PPP4R3A: variants seen among roughly 807,000 people sequenced by gnomAD.
PPP4R3A encodes serine/threonine-protein phosphatase 4 regulatory subunit 3A.
Under a neutral mutation model 91.7 loss-of-function variants are expected in PPP4R3A, and 15 were observed. That is an observed-to-expected ratio of 0.16 (90% confidence interval 0.11 to 0.25). The LOEUF (loss-of-function observed/expected upper bound fraction) is 0.25. Ranked by LOEUF, PPP4R3A falls within the 10% of genes least tolerant of loss-of-function variation. The probability of loss-of-function intolerance (pLI) is 1.00; values close to 1 mark genes in which losing one functional copy is unlikely to be tolerated. For synonymous variants in PPP4R3A, 377 were observed against 348.7 expected, an observed-to-expected ratio of 1.08 and a Z score of -0.91; for missense variants, 623 against 998.4, an observed-to-expected ratio of 0.62 and a Z score of 5.07.
intron 1 of PPP4R3A, among the ~76,000 whole-genome samples, chr14:91,502,245 T>C (rs1891010315): frequency 1.3e-5 from 2 of 151,888 alleles, no homozygotes; most frequent in Non-Finnish European, 2.9e-5. Flanking sequence ...CACAGTAAGA[T>C]CCCACCTCCC....
intron 11 of PPP4R3A, among the ~76,000 whole-genome samples, chr14:91,464,095 G>C (rs1377531612): frequency 6.6e-6 from 1 of 152,150 alleles, no homozygotes; most frequent in Non-Finnish European, 1.5e-5. Flanking sequence ...GGCCAAGGTG[G>C]GCAGATCACC....
At chr14:91,501,694 G>T (rs1890969522) in intron 1 of PPP4R3A, among the ~76,000 whole-genome samples, 1 of 144,278 alleles carries the variant, frequency 6.9e-6, no homozygotes, top group South Asian at 2.2e-4. Context: ...ATGTAGGTGG[G>T]AGACTAAAGT....
chr14:91,477,755 TCTC>T (rs1889297419), intron 4 of PPP4R3A, among the ~76,000 whole-genome samples: 1 of 152,188 alleles, frequency 6.6e-6, no homozygotes, highest in Non-Finnish European at 1.5e-5. Context: ...TTAAAGCAAT[TCTC>T]CTGTCTCAGT....
At chr14:91,508,543 G>C (rs3783831) in intron 1 of PPP4R3A, among the ~76,000 whole-genome samples, 57,257 of 152,090 alleles carry the variant, frequency 0.38, 11,020 homozygotes, top group East Asian at 0.47. Flanking sequence ...AACAATTTGA[G>C]AATAGTTTTA....
chr14:91,509,748 G>T lies in PPP4R3A; in HGVS notation c.-101C>A. On this transcript the variant is annotated 5_prime_UTR_variant, in exon 1 of 15. Coordinates refer to ENST00000554943, the MANE Select transcript of PPP4R3A (RefSeq NM_001366432.2). ...AGGCGTGAGGGCGCCCGCGAGCGGA[G>T]GGCTCCCCGGCCTCACTGCCGCCGC... 1 of 1,368,218 alleles carries T rather than the reference G, an allele frequency of 7.3e-7. No individual in the cohort carries two copies. The allele number at this position is 1,368,218 out of a possible 1,614,324, so 84.8% of individuals were successfully genotyped here. A position where few individuals can be genotyped will look rare whatever the true frequency, so the allele number is the denominator to read the frequency against.
chr14:91,483,084 C>T (rs950612969), intron 3 of PPP4R3A, among the ~76,000 whole-genome samples: 1 of 152,018 alleles, frequency 6.6e-6, no homozygotes, highest in African/African-American at 2.4e-5. Flanking sequence ...AAAAAGGTAA[C>T]TTATATTGAC....
chr14:91,495,934 A>AAC (rs35119396), intron 1 of PPP4R3A, among the ~76,000 whole-genome samples: 18 of 151,558 alleles, frequency 1.2e-4, no homozygotes, highest in African/African-American at 3.9e-4. Flanking sequence ...AACAAAACAA[A>AAC]ACACACACAC....
chr14:91,492,375 A>T (rs1339132586), intron 1 of PPP4R3A, among the ~76,000 whole-genome samples: 1 of 152,240 alleles, frequency 6.6e-6, no homozygotes, highest in Admixed American at 6.5e-5. Context: ...GAGTGCTCTT[A>T]ACATTTCCAA....
At chr14:91,500,198 T>C (rs1052644347) in intron 1 of PPP4R3A, among the ~76,000 whole-genome samples, 1 of 142,668 alleles carries the variant, frequency 7.0e-6, no homozygotes, top group African/African-American at 2.6e-5. Context: ...ATGTAGTACA[T>C]AACCAGCACT....
intron 1 of PPP4R3A, among the ~76,000 whole-genome samples, chr14:91,499,415 G>T (rs958146390): frequency 2.6e-5 from 4 of 152,112 alleles, no homozygotes; most frequent in African/African-American, 9.7e-5. Context: ...TTTTAAATGA[G>T]ATCTGTGTAT....
In PPP4R3A at chr14:91,509,988, C is replaced by G. The variant is rs1363195418; in HGVS notation, c.-341G>C. ...TCCCGTCACTGCCCTGCTCCCGCCTCCGCCATGATCTCCGCGAAGCAGCTT... is the reference window on the plus strand; with the variant it reads ...TCCCGTCACTGCCCTGCTCCCGCCTGCGCCATGATCTCCGCGAAGCAGCTT... On this transcript the variant is annotated 5_prime_UTR_variant, in exon 1 of 15. Coordinates refer to ENST00000554943, the MANE Select transcript of PPP4R3A (RefSeq NM_001366432.2). The G allele has an allele frequency of 4.0e-6, 4 of 990,462 alleles. No homozygotes were observed. Among genetic ancestry groups the G allele is most frequent in the Admixed American group, 6.0e-5 (1 of 16,740 alleles). 61.4% of individuals were successfully genotyped at this position (990,462 alleles called of 1,614,324 possible).
At chr14:91,507,037 G>T (rs970311183) in intron 1 of PPP4R3A, among the ~76,000 whole-genome samples, 6 of 152,196 alleles carry the variant, frequency 3.9e-5, no homozygotes, top group African/African-American at 1.4e-4. Flanking sequence ...TATAAATGGA[G>T]GTTCGGCGCA....
At chr14:91,463,886 A>G (rs2140070089) in intron 11 of PPP4R3A, among the ~76,000 whole-genome samples, 1 of 152,266 alleles carries the variant, frequency 6.6e-6, no homozygotes, top group South Asian at 2.1e-4. Context: ...CCCAATAGGT[A>G]GTTTTTCAAT....
intron 7 of PPP4R3A, chr14:91,475,356 G>T (rs773801395): frequency 1.2e-5 from 2 of 166,040 alleles, no homozygotes; most frequent in Non-Finnish European, 2.6e-5. Context: ...TGTGAACAAC[G>T]TAACAGCTTG....
At chr14:91,488,154 A>G (rs972155336) in intron 2 of PPP4R3A, among the ~76,000 whole-genome samples, 1 of 152,040 alleles carries the variant, frequency 6.6e-6, no homozygotes, top group African/African-American at 2.4e-5. Context: ...ACACCTGTGA[A>G]TAATAGCCAC....
chr14:91,502,767 G>T (rs1339685934), intron 1 of PPP4R3A, among the ~76,000 whole-genome samples: 1 of 152,186 alleles, frequency 6.6e-6, no homozygotes, highest in Non-Finnish European at 1.5e-5. Flanking sequence ...GTAACAGTGA[G>T]AATTTAACCT....
intron 2 of PPP4R3A, among the ~76,000 whole-genome samples, chr14:91,487,706 C>T (rs1048234630): frequency 1.6e-5 from 2 of 125,808 alleles, no homozygotes; most frequent in South Asian, 2.6e-4. Flanking sequence ...TAGGCAAGGA[C>T]ACTTCTGTTT....
At chr14:91,491,926 G>T (rs1397010708) in intron 1 of PPP4R3A, among the ~76,000 whole-genome samples, 1 of 150,084 alleles carries the variant, frequency 6.7e-6, no homozygotes, top group Admixed American at 6.6e-5. Flanking sequence ...GCCCAGGCTG[G>T]TCTCTGGGCT....
At chr14:91,476,147 T>C (rs1889193183) in intron 6 of PPP4R3A, among the ~76,000 whole-genome samples, 181 bp from the exon 7 acceptor site, 1 of 152,236 alleles carries the variant, frequency 6.6e-6, no homozygotes, top group Admixed American at 6.5e-5. Flanking sequence ...AAATCATTTA[T>C]TTGTTTGCCT....
Sources: gnomAD v4.1 joint callset for allele counts (sites outside exome capture counted in the v4.1 genomes callset) on GRCh38, gnomAD v4.1.1 for gene constraint, MANE v1.5 for transcripts, NCBI Gene and HGNC (gene_info 2026-07-23, HGNC 2026-07-21) for gene names.